The following A1CF variants were observed in gnomAD, a reference collection of about 807,000 sequenced individuals.
A1CF encodes APOBEC1 complementation factor.
In A1CF, 48 loss-of-function variants were observed where a neutral mutation model predicts 68.9. That is an observed-to-expected ratio of 0.70 (90% confidence interval 0.55 to 0.89). A1CF has a LOEUF of 0.89. Among genes scored for constraint, A1CF ranks in the 40% least tolerant of loss-of-function variants. A1CF has a pLI of 0.00. For synonymous variants in A1CF, 272 were observed against 260.4 expected (o/e 1.04, Z -0.43); for missense variants, 653 against 718.9 (o/e 0.91, Z 1.05).
intron 8 of A1CF, among the ~76,000 whole-genome samples, chr10:50,817,072 CA>C (rs1838407749): frequency 6.6e-6 from 1 of 152,204 alleles, no homozygotes; most frequent in Admixed American, 6.5e-5. Context: ...AGACTGCAAA[CA>C]GCTCCAGATG....
Position 50,825,221 on chromosome 10 carries a change from A to C in A1CF, c.769+2910T>G, listed in dbSNP as rs577139750. ...TATTCTTAGGCAGCTTTAACATGAC[A>C]GCACCATGGCCCACCCTTATTAACA... On this transcript the variant is annotated intron_variant, in intron 7 of 12. Coordinates refer to ENST00000373997, the MANE Select transcript of A1CF (RefSeq NM_014576.4). Among the ~76,000 whole-genome samples the C allele has an allele frequency of 3.9e-5, 6 of 152,286 alleles. No homozygotes were observed. In the East Asian group the frequency reaches 1.2e-3, roughly 29 times the overall value.
chr10:50,867,656 A>G (rs1841054601), intron 1 of A1CF, among the ~76,000 whole-genome samples: 1 of 152,210 alleles, frequency 6.6e-6, no homozygotes, highest in Non-Finnish European at 1.5e-5. Context: ...TAACAAAATT[A>G]CACTTGCACC....
intron 6 of A1CF, among the ~76,000 whole-genome samples, chr10:50,833,249 T>C (rs1839333334): frequency 6.6e-6 from 1 of 152,202 alleles, no homozygotes; most frequent in Non-Finnish European, 1.5e-5. Flanking sequence ...AGTAGCATCC[T>C]GGGAGCTTGT....
intron 2 of A1CF, among the ~76,000 whole-genome samples, chr10:50,863,602 A>C (rs1157706503): frequency 6.6e-6 from 1 of 152,166 alleles, no homozygotes; most frequent in Non-Finnish European, 1.5e-5. Flanking sequence ...CAAACCTCTC[A>C]TCCCCCAAAA....
At chr10:50,836,603 A>G (rs575486292) in intron 5 of A1CF, among the ~76,000 whole-genome samples, 4 of 151,766 alleles carry the variant, frequency 2.6e-5, no homozygotes, top group South Asian at 2.1e-4. Flanking sequence ...GGTTTGTTAC[A>G]TATGTATACA....
intron 9 of A1CF, among the ~76,000 whole-genome samples, chr10:50,815,418 G>A: frequency 6.6e-6 from 1 of 152,056 alleles, no homozygotes; most frequent in East Asian, 1.9e-4. Context: ...AGTTCTCCAT[G>A]TATTAAAGAA....
Position 50,836,434 on chromosome 10 carries a change from C to A in A1CF, c.366-122G>T, listed in dbSNP as rs1271073273. The A allele has an allele frequency of 2.8e-6, 3 of 1,054,946 alleles. No homozygotes were observed. In the East Asian group the frequency reaches 7.6e-5, roughly 27 times the overall value. 65.3% of individuals were successfully genotyped at this position (1,054,946 alleles called of 1,614,324 possible). ...ATGTTTGGGTTCATAGTGTTGAAAC[C>A]ATTTTTGGAGAGTTGTGGCTTCTTT... On this transcript the variant is annotated intron_variant, in intron 5 of 12. Coordinates refer to ENST00000373997, the MANE Select transcript of A1CF (RefSeq NM_014576.4).
At chr10:50,837,080 C>T (rs1839536951) in intron 5 of A1CF, among the ~76,000 whole-genome samples, 1 of 152,138 alleles carries the variant, frequency 6.6e-6, no homozygotes, top group East Asian at 1.9e-4. Context: ...AAAAGCTGTT[C>T]TGATGTGATC....
In A1CF at chr10:50,813,986, G is replaced by A; in HGVS notation, c.1194C>T (p.Gly398=). 1 of 1,613,828 alleles carries A rather than the reference G, an allele frequency of 6.2e-7. No individual in the cohort carries two copies. Among genetic ancestry groups the A allele is most frequent in the African/African-American group, 1.3e-5 (1 of 75,010 alleles). ...LGGRGYLAYT[G]LGRGYQVKGD... ...CTTTGACCTGGTATCCTCGACCCAG[G>A]CCTGTGTATGCCAAATAGCCACGGC... Residue 398 remains glycine, a synonymous_variant, in exon 10 of 13, where the codon GGC becomes GGT. Transcript: ENST00000373997.
Position 50,864,744 on chromosome 10 carries a change from G to A in A1CF, c.-93-664C>T, listed in dbSNP as rs180959321. Among the ~76,000 whole-genome samples, 230 of 152,054 alleles carry A rather than the reference G, an allele frequency of 1.5e-3. 1 individual carries two copies. The highest frequency in any genetic ancestry group is 4.0e-3 in the African/African-American group (164 of 41,486). ...AGCGATTCTCCTGCCTCAGCCTCCC[G>A]AGAAGCTGGGATTACAGGCAGGCAC... On this transcript the variant is annotated intron_variant, in intron 1 of 12. Coordinates refer to ENST00000373997, the MANE Select transcript of A1CF (RefSeq NM_014576.4).
At chr10:50,883,718 C>T (rs1841880892) in intron 1 of A1CF, among the ~76,000 whole-genome samples, 2 of 152,142 alleles carry the variant, frequency 1.3e-5, no homozygotes, top group African/African-American at 4.8e-5. Flanking sequence ...CAAAACGTTG[C>T]CTACTCTCTT....
intron 5 of A1CF, among the ~76,000 whole-genome samples, chr10:50,841,466 A>G (rs537417268): frequency 2.3e-4 from 35 of 152,328 alleles, no homozygotes; most frequent in Admixed American, 2.2e-3. Context: ...TAAATACACC[A>G]AATTAGAGTA....
intron 9 of A1CF, among the ~76,000 whole-genome samples, chr10:50,814,820 A>G (rs2132332048): frequency 6.6e-6 from 1 of 152,188 alleles, no homozygotes; most frequent in South Asian, 2.1e-4. Flanking sequence ...GACAATTTGT[A>G]TTTAATGTAT....
At chr10:50,822,942 C>T (rs1838747596) in intron 7 of A1CF, 1 of 152,150 alleles carries the variant, frequency 6.6e-6, no homozygotes, top group African/African-American at 2.4e-5. Flanking sequence ...TTGGTATCAT[C>T]TTCACCTGGT....
intron 2 of A1CF, among the ~76,000 whole-genome samples, chr10:50,863,422 A>G (rs1840837689): frequency 6.6e-6 from 1 of 152,218 alleles, no homozygotes; most frequent in Non-Finnish European, 1.5e-5. Flanking sequence ...AAAGTATCTT[A>G]TTGAAGCAAT....
intron 10 of A1CF, among the ~76,000 whole-genome samples, chr10:50,811,630 C>A (rs966880128): frequency 6.6e-6 from 1 of 152,108 alleles, no homozygotes; most frequent in Non-Finnish European, 1.5e-5. Flanking sequence ...TTTAATCTCA[C>A]AATTTCATAA....
Position 50,799,706 on chromosome 10 carries a change from C to A in A1CF, c.*7023G>T, listed in dbSNP as rs575423893. The A allele has an allele frequency of 4.6e-5, 7 of 152,048 alleles. No individual in the cohort carries two copies. Among genetic ancestry groups the A allele is most frequent in the African/African-American group, 1.7e-4 (7 of 41,478 alleles). The allele number at this position is 152,048 out of a possible 1,614,324, so 9.4% of individuals were successfully genotyped here. ...CTTTGTCTCTTTTTTGGTACCTCAGCTAACTAACTTCACATAAATAAAAAT... is the reference window on the plus strand; with the variant it reads ...CTTTGTCTCTTTTTTGGTACCTCAGATAACTAACTTCACATAAATAAAAAT... On this transcript the variant is annotated 3_prime_UTR_variant, in exon 13 of 13. Coordinates refer to ENST00000373997, the MANE Select transcript of A1CF (RefSeq NM_014576.4).
chr10:50,849,900 TCTC>T (rs1337688687), intron 3 of A1CF, among the ~76,000 whole-genome samples: 8 of 151,740 alleles, frequency 5.3e-5, no homozygotes, highest in African/African-American at 1.9e-4. Context: ...TTCACGCTAT[TCTC>T]CTGCCTCTGC....
chr10:50,860,584 G>T (rs1175610519), intron 2 of A1CF, among the ~76,000 whole-genome samples: 1 of 152,118 alleles, frequency 6.6e-6, no homozygotes, highest in African/African-American at 2.4e-5. Flanking sequence ...CGTGGGAAGG[G>T]TTTGCTAACA....
Sources: allele counts gnomAD v4.1 joint callset (sites outside exome capture counted in the v4.1 genomes callset), GRCh38; gene constraint gnomAD v4.1.1; transcripts MANE v1.5; gene names NCBI Gene and HGNC (gene_info 2026-07-23, HGNC 2026-07-21).